ANKRD33B: variants seen among roughly 807,000 people sequenced by gnomAD.
ANKRD33B encodes the protein ankyrin repeat domain 33B.
In ANKRD33B, 6 loss-of-function variants were observed where a neutral mutation model predicts 21.5. The observed-to-expected ratio is 0.28, with a 90% CI of 0.15 to 0.55. The LOEUF (loss-of-function observed/expected upper bound fraction) is 0.55, where lower values mean the gene tolerates loss of function less well. ANKRD33B is among the 20% of genes least tolerant of loss of function. The pLI is 0.94. For missense variants in ANKRD33B, 698 were observed against 747.2 expected (o/e 0.93, Z 0.77); for synonymous variants, 347 against 342.4 (o/e 1.01, Z -0.15).
At chr5:10,577,115 C>T (rs1372498957) in intron 1 of ANKRD33B, among the ~76,000 whole-genome samples, 6 of 150,110 alleles carry the variant, frequency 4.0e-5, no homozygotes, top group African/African-American at 1.5e-4. Context: ...CCTTTCCCTT[C>T]CCCTTCCCCT....
intron 1 of ANKRD33B, among the ~76,000 whole-genome samples, chr5:10,607,747 T>C (rs576970128): frequency 2.6e-5 from 4 of 152,222 alleles, no homozygotes; most frequent in Non-Finnish European, 2.9e-5. Flanking sequence ...TTTTGAGGAA[T>C]ACTGAAGTCT....
At chr5:10,635,508 G>A (rs996270343) in intron 2 of ANKRD33B, among the ~76,000 whole-genome samples, 3 of 152,192 alleles carry the variant, frequency 2.0e-5, no homozygotes, top group East Asian at 1.9e-4. Context: ...CGAGGGGATC[G>A]TACCCTTTGT....
In ANKRD33B at chr5:10,618,316, C is replaced by T. The variant is rs983457177; in HGVS notation, c.367-17C>T. The T allele has an allele frequency of 9.8e-6, 15 of 1,536,470 alleles. No homozygotes were observed. Among genetic ancestry groups the T allele is most frequent in the Non-Finnish European group, 1.2e-5 (14 of 1,146,940 alleles). On this transcript the variant is annotated splice_polypyrimidine_tract_variant and intron_variant, in intron 1 of 3. Coordinates refer to ENST00000296657, the MANE Select transcript of ANKRD33B (RefSeq NM_001164440.2). ...CCGACTCTGCCCCTCTGACCCGCTTCCCCTCTTCATTTCTAGACCGGCCTT... is the reference window on the plus strand; with the variant it reads ...CCGACTCTGCCCCTCTGACCCGCTTTCCCTCTTCATTTCTAGACCGGCCTT...
At chr5:10,620,836 A>G (rs895547451) in intron 2 of ANKRD33B, among the ~76,000 whole-genome samples, 1 of 152,156 alleles carries the variant, frequency 6.6e-6, no homozygotes, top group Non-Finnish European at 1.5e-5. Context: ...AAAGGCAGAT[A>G]TTTCCCCTCT....
In ANKRD33B at chr5:10,655,062, C is replaced by T. The variant is rs1001086100; in HGVS notation, c.*4949C>T. ...TAATGGCTTTGTCATCTCAGTGTGG[C>T]CACTCCTGAGGCAAGAGGCTCCTCC... On this transcript the variant is annotated 3_prime_UTR_variant, in exon 4 of 4. Coordinates refer to ENST00000296657, the MANE Select transcript of ANKRD33B (RefSeq NM_001164440.2). 1 of 152,396 alleles carries T rather than the reference C, an allele frequency of 6.6e-6. No individual in the cohort carries two copies. The highest frequency in any genetic ancestry group is 2.4e-5 in the African/African-American group (1 of 41,448). The allele number at this position is 152,396 out of a possible 1,614,324, so 9.4% of individuals were successfully genotyped here.
In ANKRD33B at chr5:10,564,740, C is replaced by T. The variant is rs1205825211; in HGVS notation, c.273C>T (p.Arg91=). The change falls in exon 1 of 4, where the codon CGC becomes CGT. Residue 91 remains arginine, a synonymous_variant. Transcript: ENST00000296657. ...TCCCGGAGACGGCGACCCTCCTGCGCGCCGCCTGCGCCAACAACGTGGGGC... is the reference window on the plus strand; with the variant it reads ...TCCCGGAGACGGCGACCCTCCTGCGTGCCGCCTGCGCCAACAACGTGGGGC... ...ESVPETATLL[R]AACANNVGLL... 11 of 1,530,830 alleles carry T rather than the reference C, an allele frequency of 7.2e-6. No homozygotes were observed. The highest frequency in any genetic ancestry group is 9.6e-6 in the Non-Finnish European group (11 of 1,144,096). The allele number at this position is 1,530,830 out of a possible 1,614,324, so 94.8% of individuals were successfully genotyped here.
chr5:10,590,114 T>C (rs1270065102), intron 1 of ANKRD33B, among the ~76,000 whole-genome samples: 1 of 152,246 alleles, frequency 6.6e-6, no homozygotes, highest in African/African-American at 2.4e-5. Flanking sequence ...AGTTCTGTAA[T>C]AAAGTTCCTC....
Position 10,564,555 on chromosome 5 carries a change from G to A in ANKRD33B, c.88G>A (p.Val30Ile). Residue 30 changes from valine to isoleucine, a missense_variant, in exon 1 of 4, where the codon GTC becomes ATC. Physicochemically the swap from Val to Ile is conservative, Grantham distance 29. Around this residue, in one of 3 missense-constraint regions of ANKRD33B, gnomAD observed 148 missense variants for 154.9 expected, o/e 0.96. Transcript: ENST00000296657. ...PPPSPPRGAQ[V>I]EEDPADYEEF... Reference sequence around the variant, plus strand: ...GCCGTCCCCACCCCGGGGCGCGCAGGTCGAGGAGGACCCCGCTGACTACGA... The same window carrying A: ...GCCGTCCCCACCCCGGGGCGCGCAGATCGAGGAGGACCCCGCTGACTACGA... The A allele has an allele frequency of 1.3e-6, 2 of 1,533,884 alleles. No homozygotes were observed. Among genetic ancestry groups the A allele is most frequent in the Non-Finnish European group, 1.7e-6 (2 of 1,146,418 alleles).
intron 1 of ANKRD33B, among the ~76,000 whole-genome samples, chr5:10,617,770 C>T (rs1334881282): frequency 6.6e-6 from 1 of 152,212 alleles, no homozygotes; most frequent in African/African-American, 2.4e-5. Flanking sequence ...CTGCTCTAGC[C>T]CTGCCGGCCA....
intron 3 of ANKRD33B, among the ~76,000 whole-genome samples, chr5:10,641,225 C>CTTTTTTTT (rs772445527): frequency 5.2e-5 from 4 of 77,448 alleles, no homozygotes; most frequent in Admixed American, 1.3e-4. Context: ...TCTTCTTCTT[C>CTTTTTTTT]TTTTTTTTTT....
chr5:10,564,240 C>CCGCCT lies in ANKRD33B; in HGVS notation c.-225_-221dup, dbSNP rs1047244313. On this transcript the variant is annotated 5_prime_UTR_variant, in exon 1 of 4. Transcript: ENST00000296657. ...GCGTGTCCCCGCGCCCCGCCCCGCC[C>CCGCCT]CGCCTCGGAAAGCCCCCGCGGTCCC... 1 of 163,062 alleles carries CCGCCT rather than the reference C, an allele frequency of 6.1e-6. No homozygotes were observed. The highest frequency in any genetic ancestry group is 2.4e-5 in the African/African-American group (1 of 41,582). 10.1% of individuals were successfully genotyped at this position (163,062 alleles called of 1,614,324 possible).
At chr5:10,610,183 GT>G (rs1736133657) in intron 1 of ANKRD33B, among the ~76,000 whole-genome samples, 2 of 152,242 alleles carry the variant, frequency 1.3e-5, no homozygotes, top group African/African-American at 4.8e-5. Flanking sequence ...CCCATGAGTG[GT>G]GGAGTTGAAG....
intron 3 of ANKRD33B, among the ~76,000 whole-genome samples, chr5:10,643,260 G>C (rs1737106436): frequency 6.6e-6 from 1 of 151,914 alleles, no homozygotes; most frequent in Non-Finnish European, 1.5e-5. Context: ...CTTTGTTGTG[G>C]GGGCTGTCTT....
At chr5:10,640,715 G>A (rs557569008) in intron 3 of ANKRD33B, among the ~76,000 whole-genome samples, 1 of 152,354 alleles carries the variant, frequency 6.6e-6, no homozygotes, top group East Asian at 1.9e-4. Flanking sequence ...AGTTCCTGAA[G>A]AAGTGGATTT....
chr5:10,577,065 T>TTTCCCTTCCCTTTCCCCTTTCCCTTTCCC (rs1417577132), intron 1 of ANKRD33B, among the ~76,000 whole-genome samples: 4 of 151,970 alleles, frequency 2.6e-5, no homozygotes, highest in African/African-American at 4.8e-5. Flanking sequence ...TCCTCTTTCT[T>TTTCCCTTCCCTTTCCCCTTTCCCTTTCCC]TTCCCTTCCC....
intron 1 of ANKRD33B, among the ~76,000 whole-genome samples, chr5:10,606,025 A>G (rs1352941944): frequency 6.6e-6 from 1 of 152,232 alleles, no homozygotes; most frequent in Admixed American, 6.5e-5. Flanking sequence ...TTCTTTCATC[A>G]CATAATGCTT....
rs1560975915 is a variant in ANKRD33B at position 10,618,473 on chromosome 5, G to GCTTT, written c.496+13_496+16dup. ...CAGCTGCACAGGCAGGTAAGAGCTG[G>GCTTT]CTTTCCCCTTTCCTCTCAGAGCCGT... On this transcript the variant is annotated intron_variant, in intron 2 of 3. Transcript: ENST00000296657. The GCTTT allele has an allele frequency of 6.6e-7, 1 of 1,519,496 alleles. No individual in the cohort carries two copies. Among genetic ancestry groups the GCTTT allele is most frequent in the Admixed American group, 2.0e-5 (1 of 49,394 alleles). The allele number at this position is 1,519,496 out of a possible 1,614,324, so 94.1% of individuals were successfully genotyped here. A position where few individuals can be genotyped will look rare whatever the true frequency, so the allele number is the denominator to read the frequency against.
In ANKRD33B at chr5:10,564,529, C is replaced by T. The variant is rs1735001919; in HGVS notation, c.62C>T (p.Pro21Leu). 1 of 1,532,422 alleles carries T rather than the reference C, an allele frequency of 6.5e-7. No homozygotes were observed. Among genetic ancestry groups the T allele is most frequent in the South Asian group, 1.2e-5 (1 of 83,948 alleles). The allele number at this position is 1,532,422 out of a possible 1,614,324, so 94.9% of individuals were successfully genotyped here. Residue 21 changes from proline to leucine, a missense_variant, in exon 1 of 4, where the codon CCG becomes CTG. Coordinates refer to ENST00000296657, the MANE Select transcript of ANKRD33B (RefSeq NM_001164440.2). ...GGGGCGCGCTGCATGACCCCACCAC[C>T]GCCGTCCCCACCCCGGGGCGCGCAG... ...GGGARCMTPP[P>L]PSPPRGAQVE...
chr5:10,564,645 C>G lies in ANKRD33B; in HGVS notation c.178C>G (p.Pro60Ala). Residue 60 changes from proline (P) to alanine (A), a missense_variant, in exon 1 of 4, where the codon CCT (proline) becomes GCT (alanine). Coordinates refer to ENST00000296657, the MANE Select transcript of ANKRD33B (RefSeq NM_001164440.2). ...RSIASDDSFY[P>A]FEDEEEHGVE... ...CATCGCCTCGGACGACTCTTTCTAC[C>G]CTTTCGAGGACGAGGAGGAGCACGG... 1 of 1,535,062 alleles carries G rather than the reference C, an allele frequency of 6.5e-7. No individual in the cohort carries two copies. Among genetic ancestry groups the G allele is most frequent in the Non-Finnish European group, 8.7e-7 (1 of 1,146,634 alleles).
Sources: gnomAD v4.1 joint callset for allele counts (sites outside exome capture counted in the v4.1 genomes callset) on GRCh38, gnomAD v4.1.1 for gene constraint, gnomAD v4.1.1 regional missense constraint, MANE v1.5 for transcripts, NCBI Gene and HGNC (gene_info 2026-07-23, HGNC 2026-07-21) for gene names.